MGMT: variants seen among roughly 807,000 people sequenced by gnomAD.
The protein encoded by MGMT is methylated-DNA--protein-cysteine methyltransferase.
In MGMT, 14 loss-of-function variants were observed where a neutral mutation model predicts 15.9. The ratio of observed to expected loss-of-function variants is 0.88; its 90% CI spans 0.58 to 1.37. The LOEUF (loss-of-function observed/expected upper bound fraction) is 1.37, where lower values mean the gene tolerates loss of function less well. Ranked by LOEUF, MGMT falls within the 40% of genes most tolerant of loss-of-function variation. MGMT has a pLI of 0.00. For synonymous variants in MGMT, 130 were observed against 118.2 expected (o/e 1.10, Z -0.65); for missense variants, 282 against 268.1 (o/e 1.05, Z -0.36).
At chr10:129,710,327 G>A (rs532493790) in intron 3 of MGMT, among the ~76,000 whole-genome samples, 4 of 152,334 alleles carry the variant, frequency 2.6e-5, no homozygotes, top group African/African-American at 9.6e-5. Flanking sequence ...ATGGTAGTGC[G>A]ACAGCCGCTC....
At chr10:129,525,270 A>C (rs2119735209) in intron 1 of MGMT, among the ~76,000 whole-genome samples, 1 of 152,316 alleles carries the variant, frequency 6.6e-6, no homozygotes, top group East Asian at 1.9e-4. Flanking sequence ...ACCAAAGAGA[A>C]GAGTTCAGAA....
chr10:129,556,353 G>A lies in MGMT; in HGVS notation c.125+19976G>A, dbSNP rs76591789. ...AGGAGCCCCTCACCCAGTGTGACCG[G>A]TGTCCCCATGAGATGGAGGTTGTGG... is the stretch of plus-strand genomic sequence containing the variant. On this transcript the variant is annotated intron_variant, in intron 2 of 4. Coordinates refer to ENST00000651593, the MANE Select transcript of MGMT (RefSeq NM_002412.5). This position sits in a 1 kb window ranked among gnomAD's most constrained non-coding sequence, Gnocchi z 4.3. Among the ~76,000 whole-genome samples, 3,281 of 152,262 alleles carry A rather than the reference G, an allele frequency of 0.022. 118 individuals carry two copies. Among genetic ancestry groups the A allele is most frequent in the African/African-American group, 0.074 (3,075 of 41,528 alleles).
chr10:129,524,145 C>T (rs912127735), intron 1 of MGMT, among the ~76,000 whole-genome samples: 1 of 152,208 alleles, frequency 6.6e-6, no homozygotes, highest in East Asian at 1.9e-4. Flanking sequence ...GCTGCCCACT[C>T]TGCCTCCTGG....
intron 2 of MGMT, among the ~76,000 whole-genome samples, chr10:129,615,555 T>A (rs540361670): frequency 6.6e-6 from 1 of 152,372 alleles, no homozygotes; most frequent in South Asian, 2.1e-4. Flanking sequence ...CCAAGCATAT[T>A]CCTGCCTCAT....
At chr10:129,479,813 G>C (rs1429555898) in intron 1 of MGMT, among the ~76,000 whole-genome samples, 1 of 151,494 alleles carries the variant, frequency 6.6e-6, no homozygotes, top group Non-Finnish European at 1.5e-5. Context: ...GGTGGGGTGG[G>C]ATCTGTGTTT....
intron 3 of MGMT, among the ~76,000 whole-genome samples, chr10:129,741,263 A>T (rs188564984): frequency 4.4e-4 from 67 of 152,354 alleles, no homozygotes; most frequent in Admixed American, 4.4e-3. Flanking sequence ...AAGCCTTATC[A>T]GTTGGCCCAG....
intron 2 of MGMT, among the ~76,000 whole-genome samples, chr10:129,599,880 G>A (rs507900): frequency 0.4 from 60,152 of 151,762 alleles, 12,823 homozygotes; most frequent in East Asian, 0.63. Flanking sequence ...CATCTGATGC[G>A]GATCAAGTGT....
chr10:129,470,804 G>C (rs1245009252), intron 1 of MGMT, among the ~76,000 whole-genome samples: 1 of 152,200 alleles, frequency 6.6e-6, no homozygotes, highest in Non-Finnish European at 1.5e-5. Context: ...GGTTCTCCAA[G>C]GAGGCCTCGT....
At chr10:129,608,266 G>C (rs964675356) in intron 2 of MGMT, among the ~76,000 whole-genome samples, 2 of 152,218 alleles carry the variant, frequency 1.3e-5, no homozygotes, top group South Asian at 4.1e-4. Context: ...GCGTAGCCCG[G>C]AGCAGAGTGT....
chr10:129,739,135 G>A (rs1848600792), intron 3 of MGMT, among the ~76,000 whole-genome samples: 1 of 152,162 alleles, frequency 6.6e-6, no homozygotes, highest in African/African-American at 2.4e-5. Context: ...CAGTAAACTA[G>A]GTATTGACGG....
Position 129,645,454 on chromosome 10 carries a change from C to T in MGMT, c.126-62441C>T, listed in dbSNP as rs143682878. Among the ~76,000 whole-genome samples, 236 of 152,304 alleles carry T rather than the reference C, an allele frequency of 1.5e-3. 1 individual carries two copies. The highest frequency in any genetic ancestry group is 2.5e-3 in the Non-Finnish European group (171 of 68,026). ...CACGTTTGGCAGGGTGGCTGGCAGCCTTGGGGCCTCATCCACGGTGAGGTT... is the reference window on the plus strand; with the variant it reads ...CACGTTTGGCAGGGTGGCTGGCAGCTTTGGGGCCTCATCCACGGTGAGGTT... On this transcript the variant is annotated intron_variant, in intron 2 of 4. Coordinates refer to ENST00000651593, the MANE Select transcript of MGMT (RefSeq NM_002412.5).
intron 3 of MGMT, among the ~76,000 whole-genome samples, chr10:129,730,203 C>A (rs1848480314): frequency 6.6e-6 from 1 of 152,114 alleles, no homozygotes; most frequent in African/African-American, 2.4e-5. Flanking sequence ...TTTTTAGCAA[C>A]CATTGGCGCA....
chr10:129,728,111 G>A (rs1848453830), intron 3 of MGMT, among the ~76,000 whole-genome samples: 1 of 152,188 alleles, frequency 6.6e-6, no homozygotes, highest in South Asian at 2.1e-4. Context: ...GACTGTCCAG[G>A]TGCTGGGTGA....
At chr10:129,763,960 C>T (rs1052414271) in intron 4 of MGMT, among the ~76,000 whole-genome samples, 2 of 152,194 alleles carry the variant, frequency 1.3e-5, no homozygotes, top group African/African-American at 2.4e-5. Flanking sequence ...TCTTAGACTG[C>T]GTCATTGGTG....
At chr10:129,757,374 C>G (rs567858412) in intron 3 of MGMT, among the ~76,000 whole-genome samples, 1 of 152,354 alleles carries the variant, frequency 6.6e-6, no homozygotes, top group East Asian at 1.9e-4. Context: ...CGGAACTGCT[C>G]TGTGCTCCGG....
At chr10:129,718,608 C>G (rs1156923502) in intron 3 of MGMT, among the ~76,000 whole-genome samples, 2 of 152,254 alleles carry the variant, frequency 1.3e-5, no homozygotes, top group African/African-American at 4.8e-5. Flanking sequence ...GGGATGAAGC[C>G]AGACACACCT....
intron 2 of MGMT, among the ~76,000 whole-genome samples, chr10:129,683,509 G>A (rs75453220): frequency 0.012 from 1,871 of 151,636 alleles, 41 homozygotes; most frequent in African/African-American, 0.041. Flanking sequence ...TTTTAACAAC[G>A]TGCAGCCATG....
intron 3 of MGMT, among the ~76,000 whole-genome samples, chr10:129,738,518 C>T (rs183506663): frequency 0.012 from 1,789 of 152,344 alleles, 27 homozygotes; most frequent in South Asian, 0.05. Context: ...CCATCTTCTG[C>T]GTCGCTCACA....
At chr10:129,640,235 C>T (rs1260060406) in intron 2 of MGMT, among the ~76,000 whole-genome samples, 1 of 151,752 alleles carries the variant, frequency 6.6e-6, no homozygotes, top group Non-Finnish European at 1.5e-5. Flanking sequence ...GTAGCTGGGA[C>T]TACAGGTGAG....
Sources: allele counts gnomAD v4.1 joint callset (sites outside exome capture counted in the v4.1 genomes callset), GRCh38; gene constraint gnomAD v4.1.1; non-coding constraint Gnocchi (gnomAD v3.1); transcripts MANE v1.5; gene names NCBI Gene and HGNC (gene_info 2026-07-23, HGNC 2026-07-21).